Variants in CALCRL observed in about 807,000 individuals in gnomAD.
The protein encoded by CALCRL is calcitonin receptor like receptor.
In CALCRL, 27 loss-of-function variants were observed where a neutral mutation model predicts 60.4. The ratio of observed to expected loss-of-function variants is 0.45; its 90% confidence interval spans 0.33 to 0.62. CALCRL has a LOEUF of 0.62. Among genes scored for constraint, CALCRL ranks in the 20% least tolerant of loss-of-function variants. The pLI is 0.03. For missense variants in CALCRL, 424 were observed against 540.7 expected (o/e 0.78, Z 2.14); for synonymous variants, 190 against 182.6 (o/e 1.04, Z -0.33).
At chr2:187,426,905 A>G (rs1213187333) in intron 1 of CALCRL, among the ~76,000 whole-genome samples, 1 of 152,172 alleles carries the variant, frequency 6.6e-6, no homozygotes, top group African/African-American at 2.4e-5. Context: ...ATCTTAAACA[A>G]AAGTAAAATT....
At chr2:187,385,402 G>T (rs754353269) in intron 4 of CALCRL, 143 bp downstream of exon 4, 3 of 556,126 alleles carry the variant, frequency 5.4e-6, no homozygotes, top group South Asian at 2.8e-5. Context: ...AGCATACACC[G>T]AATGAAAACA....
At chr2:187,373,072 A>ACCT (rs1416978619) in intron 8 of CALCRL, among the ~76,000 whole-genome samples, 11 of 152,192 alleles carry the variant, frequency 7.2e-5, no homozygotes, top group African/African-American at 1.7e-4. Context: ...AAGGTCACAA[A>ACCT]TAAGGCATGG....
At chr2:187,417,507 CTTAT>C (rs1689667669) in intron 1 of CALCRL, among the ~76,000 whole-genome samples, 2 of 151,812 alleles carry the variant, frequency 1.3e-5, no homozygotes, top group African/African-American at 4.8e-5. Flanking sequence ...ATAATATATG[CTTAT>C]TTATTTTCCA....
At chr2:187,441,920 T>A (rs1376824938) in intron 1 of CALCRL, 1 of 151,520 alleles carries the variant, frequency 6.6e-6, no homozygotes, top group Non-Finnish European at 1.5e-5. Context: ...AGATTGTACT[T>A]ACTGTATAGT....
intron 1 of CALCRL, among the ~76,000 whole-genome samples, chr2:187,407,963 A>G (rs1038544961): frequency 6.6e-6 from 1 of 152,016 alleles, no homozygotes; most frequent in Non-Finnish European, 1.5e-5. Flanking sequence ...TGTTTCTGAC[A>G]CTAAGCAAAC....
intron 6 of CALCRL, 41 bp from the exon 7 acceptor site, chr2:187,380,620 A>G: frequency 6.3e-7 from 1 of 1,590,216 alleles, no homozygotes; most frequent in Admixed American, 1.7e-5. Context: ...AATTTAATTA[A>G]CCTAGGATTT....
Position 187,351,913 on chromosome 2 carries a change from A to T in CALCRL, c.1170+7T>A, listed in dbSNP as rs1278249366. 6.5e-7 allele frequency: 1 copy of T among 1,536,198 alleles called. No individual in the cohort carries two copies. Among genetic ancestry groups the T allele is most frequent in the African/African-American group, 1.4e-5 (1 of 72,950 alleles). On this transcript the variant is annotated splice_region_variant and intron_variant, in intron 14 of 14. Coordinates refer to ENST00000392370, the MANE Select transcript of CALCRL (RefSeq NM_005795.6). ...AATAATAGAAGGAATAAAATCAATTATCATACCTCTCCATTAAAGAAGCAG... is the reference window on the plus strand; with the variant it reads ...AATAATAGAAGGAATAAAATCAATTTTCATACCTCTCCATTAAAGAAGCAG...
At chr2:187,385,045 G>C (rs534791805) in intron 4 of CALCRL, among the ~76,000 whole-genome samples, 1 of 152,206 alleles carries the variant, frequency 6.6e-6, no homozygotes, top group South Asian at 2.1e-4. Flanking sequence ...GCACACACTT[G>C]CCTCAAATTT....
intron 1 of CALCRL, among the ~76,000 whole-genome samples, chr2:187,439,520 A>C (rs1690800186): frequency 6.6e-6 from 1 of 152,104 alleles, no homozygotes; most frequent in South Asian, 2.1e-4. Flanking sequence ...CAACAAAAAA[A>C]CAGTAAATAT....
chr2:187,377,358 G>A (rs1280992842), intron 8 of CALCRL, among the ~76,000 whole-genome samples: 2 of 152,058 alleles, frequency 1.3e-5, no homozygotes, highest in African/African-American at 2.4e-5. Context: ...AGGTTATAAG[G>A]AAAGAGTGAC....
intron 1 of CALCRL, among the ~76,000 whole-genome samples, chr2:187,443,059 T>C (rs1346339530): frequency 6.6e-6 from 1 of 151,874 alleles, no homozygotes; most frequent in Admixed American, 6.6e-5. Context: ...AAATTGTTAA[T>C]ATGCAGGTAT....
At chr2:187,358,578 TGTG>T (rs1164449962) in intron 12 of CALCRL, among the ~76,000 whole-genome samples, 161 of 151,552 alleles carry the variant, frequency 1.1e-3, no homozygotes, top group African/African-American at 3.8e-3. Flanking sequence ...GGATGATGTC[TGTG>T]AACAGCTTCA....
At chr2:187,392,051 A>T (rs1175990216) in intron 1 of CALCRL, among the ~76,000 whole-genome samples, 1 of 152,166 alleles carries the variant, frequency 6.6e-6, no homozygotes, top group Non-Finnish European at 1.5e-5. Flanking sequence ...AAGAACACAA[A>T]AAAACATAAA....
intron 1 of CALCRL, among the ~76,000 whole-genome samples, chr2:187,437,833 G>C (rs575306801): frequency 6.6e-6 from 1 of 152,246 alleles, no homozygotes; most frequent in East Asian, 1.9e-4. Flanking sequence ...ATCTAAGACA[G>C]AGAGTTATTT....
intron 1 of CALCRL, among the ~76,000 whole-genome samples, chr2:187,425,334 A>G (rs1026740590): frequency 2.6e-5 from 4 of 151,960 alleles, no homozygotes; most frequent in Non-Finnish European, 2.9e-5. Flanking sequence ...TATAATTATT[A>G]TACATAGAAT....
chr2:187,404,249 C>T (rs1054661537), intron 1 of CALCRL, among the ~76,000 whole-genome samples: 2 of 151,674 alleles, frequency 1.3e-5, no homozygotes, highest in Admixed American at 6.6e-5. Context: ...CCTCCCTCAC[C>T]GAATCTTAAG....
intron 8 of CALCRL, among the ~76,000 whole-genome samples, chr2:187,369,334 A>C (rs907998046): frequency 2.6e-5 from 4 of 152,118 alleles, no homozygotes; most frequent in African/African-American, 9.7e-5. Flanking sequence ...AACCAACCAA[A>C]CAAAAACCTT....
chr2:187,405,276 A>G (rs1203318802), intron 1 of CALCRL, among the ~76,000 whole-genome samples: 1 of 151,992 alleles, frequency 6.6e-6, no homozygotes, highest in African/African-American at 2.4e-5. Flanking sequence ...TGAACATTTA[A>G]CAATGCCAAC....
rs560954251 is a variant in CALCRL at position 187,372,036 on chromosome 2, C to T, written c.500+6904G>A. ...TCTGAATTTTATTTGGGACCTATGG[C>T]AAGTACCTACAAAAGATATCATTGT... On this transcript the variant is annotated intron_variant, in intron 8 of 14. Transcript: ENST00000392370. Among the ~76,000 whole-genome samples the T allele has an allele frequency of 5.4e-4, 82 of 151,978 alleles. 1 individual carries two copies. The highest frequency in any genetic ancestry group is 7.8e-4 in the Non-Finnish European group (53 of 68,000).
Sources: gnomAD v4.1 joint callset for allele counts (sites outside exome capture counted in the v4.1 genomes callset) on GRCh38, gnomAD v4.1.1 for gene constraint, MANE v1.5 for transcripts, NCBI Gene and HGNC (gene_info 2026-07-23, HGNC 2026-07-21) for gene names.